The following APBB2 variants were observed in gnomAD, a reference collection of about 807,000 sequenced individuals.
APBB2 encodes Fe65-like 1.
In APBB2, 38 loss-of-function variants were observed where a neutral mutation model predicts 82.5. That is an observed-to-expected ratio of 0.46 (90% confidence interval 0.36 to 0.60). The LOEUF (loss-of-function observed/expected upper bound fraction) is 0.60. APBB2 is among the 20% of genes least tolerant of loss of function. The pLI is 0.00. For missense variants in APBB2, 772 were observed against 972.3 expected (o/e 0.79, Z 2.74); for synonymous variants, 341 against 368.2 (o/e 0.93, Z 0.85).
intron 1 of APBB2, among the ~76,000 whole-genome samples, chr4:41,170,006 C>A (rs969588786): frequency 6.6e-6 from 1 of 152,072 alleles, no homozygotes; most frequent in African/African-American, 2.4e-5. Context: ...AATTCAAAAT[C>A]CGCATATAAT....
chr4:40,987,446 A>C (rs1299159636), intron 6 of APBB2, among the ~76,000 whole-genome samples: 1 of 152,232 alleles, frequency 6.6e-6, no homozygotes, highest in Non-Finnish European at 1.5e-5. Flanking sequence ...CTTCATTTTA[A>C]TGTGCCTCGT....
chr4:41,132,174 C>T (rs1287997926), intron 2 of APBB2, among the ~76,000 whole-genome samples: 1 of 152,040 alleles, frequency 6.6e-6, no homozygotes, highest in African/African-American at 2.4e-5. Context: ...AAAAAATTTC[C>T]ATCTTCGTAT....
At chr4:40,833,981 TATG>T (rs1431628028) in intron 12 of APBB2, among the ~76,000 whole-genome samples, 1 of 152,254 alleles carries the variant, frequency 6.6e-6, no homozygotes, top group Non-Finnish European at 1.5e-5. Context: ...TTTAAAAAAT[TATG>T]ATTATTAATC....
intron 2 of APBB2, among the ~76,000 whole-genome samples, chr4:41,125,297 C>T (rs1348237531): frequency 6.6e-6 from 1 of 152,196 alleles, no homozygotes; most frequent in East Asian, 1.9e-4. Flanking sequence ...TGAAGAAGCA[C>T]TTTTCATGGT....
Position 41,168,130 on chromosome 4 carries a change from G to T in APBB2, c.-416-24988C>A, listed in dbSNP as rs190067599. Among the ~76,000 whole-genome samples, 1,067 of 152,026 alleles carry T rather than the reference G, an allele frequency of 7.0e-3. 13 individuals carry two copies. The highest frequency in any genetic ancestry group is 0.033 in the South Asian group (161 of 4,814). ...CTAAAAATACAAAAATTGGCCGGGCGTGGTGGCAGGTGCCTGTAGTCCCAG... is the reference window on the plus strand; with the variant it reads ...CTAAAAATACAAAAATTGGCCGGGCTTGGTGGCAGGTGCCTGTAGTCCCAG... On this transcript the variant is annotated intron_variant, in intron 1 of 17. Coordinates refer to ENST00000508593, the MANE Select transcript of APBB2 (RefSeq NM_004307.2).
Position 41,162,705 on chromosome 4 carries a change from A to C in APBB2, c.-416-19563T>G, listed in dbSNP as rs141105630. Among the ~76,000 whole-genome samples, 297 of 152,038 alleles carry C rather than the reference A, an allele frequency of 2.0e-3. 1 individual carries two copies. The highest frequency in any genetic ancestry group is 6.7e-3 in the African/African-American group (280 of 41,500). On this transcript the variant is annotated intron_variant, in intron 1 of 17. Transcript: ENST00000508593. ...CATGTCTCTACAAAAAAATAAACAA[A>C]ATTAGCCGGGCAAGGTGGCATACAC...
intron 5 of APBB2, among the ~76,000 whole-genome samples, chr4:41,027,404 T>TATATATATA (rs1426043208): frequency 1.5e-5 from 2 of 130,514 alleles, no homozygotes; most frequent in African/African-American, 2.9e-5. Flanking sequence ...TATATATATA[T>TATATATATA]AACATTTTCA....
chr4:40,921,256 G>A (rs758129813), intron 10 of APBB2, among the ~76,000 whole-genome samples: 7 of 152,192 alleles, frequency 4.6e-5, no homozygotes, highest in Non-Finnish European at 8.8e-5. Context: ...GTACTACGGG[G>A]AAGAACACAG....
At chr4:40,914,414 C>T (rs1779344180) in intron 10 of APBB2, among the ~76,000 whole-genome samples, 1 of 151,696 alleles carries the variant, frequency 6.6e-6, no homozygotes, top group East Asian at 1.9e-4. Flanking sequence ...CATCCGGGTG[C>T]AGTGGCTCAC....
intron 13 of APBB2, 91 bp downstream of exon 13, chr4:40,830,372 G>T: frequency 1.2e-6 from 1 of 833,844 alleles, no homozygotes; most frequent in Non-Finnish European, 2.1e-6. Flanking sequence ...TCAACTGCAG[G>T]TTGATGTGCC....
chr4:40,818,516 A>G (rs2437299), intron 17 of APBB2, among the ~76,000 whole-genome samples: 121,322 of 152,170 alleles, frequency 0.8, 48,598 homozygotes, highest in Admixed American at 0.83. Context: ...ATAAAATACC[A>G]AAATAGTTGT....
intron 6 of APBB2, among the ~76,000 whole-genome samples, chr4:40,992,614 G>A (rs1425669009): frequency 6.6e-6 from 1 of 152,126 alleles, no homozygotes; most frequent in Non-Finnish European, 1.5e-5. Flanking sequence ...ACCAACACTT[G>A]GAAAATTGTT....
chr4:40,981,401 C>T (rs1397002618), intron 6 of APBB2, among the ~76,000 whole-genome samples: 1 of 151,956 alleles, frequency 6.6e-6, no homozygotes, highest in Non-Finnish European at 1.5e-5. Context: ...AGAGACAGAG[C>T]AAGCCAGAAT....
At chr4:40,843,806 T>C (rs1756690196) in intron 12 of APBB2, among the ~76,000 whole-genome samples, 1 of 152,144 alleles carries the variant, frequency 6.6e-6, no homozygotes, top group African/African-American at 2.4e-5. Flanking sequence ...TTCTGACAGA[T>C]GAGGAAACAA....
At chr4:40,867,100 AC>A (rs1236857305) in intron 12 of APBB2, among the ~76,000 whole-genome samples, 1 of 152,134 alleles carries the variant, frequency 6.6e-6, no homozygotes, top group African/African-American at 2.4e-5. Flanking sequence ...CCATTTTTGT[AC>A]CTGCTTTTAC....
At chr4:41,002,288 G>A (rs1805455448) in intron 6 of APBB2, among the ~76,000 whole-genome samples, 1 of 152,156 alleles carries the variant, frequency 6.6e-6, no homozygotes, top group African/African-American at 2.4e-5. Context: ...ATTAACAGAT[G>A]GAAGACTCTG....
chr4:40,823,003 G>A (rs1056073796), intron 16 of APBB2, among the ~76,000 whole-genome samples: 7 of 152,200 alleles, frequency 4.6e-5, no homozygotes, highest in African/African-American at 2.4e-5. Flanking sequence ...TCTCTCCAGG[G>A]TGAACCGGGC....
At chr4:41,098,438 C>T (rs2153965722) in intron 3 of APBB2, among the ~76,000 whole-genome samples, 1 of 152,254 alleles carries the variant, frequency 6.6e-6, no homozygotes, top group South Asian at 2.1e-4. Context: ...CCACCTCTGC[C>T]CCCCAAAAGT....
chr4:41,146,085 G>A (rs967114975), intron 1 of APBB2, among the ~76,000 whole-genome samples: 8 of 151,956 alleles, frequency 5.3e-5, no homozygotes, highest in African/African-American at 1.9e-4. Context: ...TAGCACTCTG[G>A]GAGGCTGAAG....
Sources: gnomAD v4.1 joint callset for allele counts (sites outside exome capture counted in the v4.1 genomes callset) on GRCh38, gnomAD v4.1.1 for gene constraint, MANE v1.5 for transcripts, NCBI Gene and HGNC (gene_info 2026-07-23, HGNC 2026-07-21) for gene names.